SMYD3: variants seen among roughly 807,000 people sequenced by gnomAD.
SMYD3 encodes the protein histone-lysine N-methyltransferase SMYD3.
SMYD3 carries 36 observed loss-of-function variants against 57.7 expected under a neutral mutation model. The observed-to-expected ratio is 0.62, with a 90% CI of 0.48 to 0.82. The LOEUF (loss-of-function observed/expected upper bound fraction) is 0.82. Among genes scored for constraint, SMYD3 ranks in the 40% least tolerant of loss-of-function variants. The pLI is 0.00. For missense variants in SMYD3, 515 were observed against 538.8 expected (o/e 0.96, Z 0.44); for synonymous variants, 211 against 195.0 (o/e 1.08, Z -0.68).
chr1:246,257,987 G>C (rs955319215), intron 5 of SMYD3, among the ~76,000 whole-genome samples: 1 of 152,154 alleles, frequency 6.6e-6, no homozygotes, highest in East Asian at 1.9e-4. Flanking sequence ...TGTATAGCTT[G>C]CAGAACCATA....
intron 5 of SMYD3, among the ~76,000 whole-genome samples, chr1:245,989,348 C>A (rs1312732757): frequency 6.6e-6 from 1 of 152,212 alleles, no homozygotes; most frequent in African/African-American, 2.4e-5. Context: ...CCTCTCTTAT[C>A]CTTAATTTCA....
chr1:246,104,508 G>C (rs529891612), intron 5 of SMYD3, among the ~76,000 whole-genome samples: 1 of 152,280 alleles, frequency 6.6e-6, no homozygotes, highest in East Asian at 1.9e-4. Context: ...GAGTGGGCTC[G>C]TCTCCTGGGA....
At chr1:246,105,838 C>T (rs1573031656) in intron 5 of SMYD3, among the ~76,000 whole-genome samples, 1 of 152,152 alleles carries the variant, frequency 6.6e-6, no homozygotes, top group Non-Finnish European at 1.5e-5. Flanking sequence ...AATTCAAACC[C>T]TCTATTTTTG....
intron 1 of SMYD3, among the ~76,000 whole-genome samples, chr1:246,493,412 A>T (rs561415704): frequency 4.3e-4 from 66 of 152,304 alleles, no homozygotes; most frequent in African/African-American, 1.6e-3. Context: ...GAAATCACTC[A>T]ATACCTTCAT....
intron 5 of SMYD3, among the ~76,000 whole-genome samples, chr1:245,962,761 G>A (rs1468641759): frequency 7.7e-6 from 1 of 129,746 alleles, no homozygotes; most frequent in East Asian, 4.4e-4. Flanking sequence ...ATCCATAGAG[G>A]AGAAACCAAA....
intron 5 of SMYD3, among the ~76,000 whole-genome samples, chr1:245,938,384 C>T (rs1251909136): frequency 6.6e-6 from 1 of 152,188 alleles, no homozygotes; most frequent in East Asian, 1.9e-4. Flanking sequence ...TCCCTGGATA[C>T]AGCCCGATAA....
chr1:246,387,215 G>A (rs2066497804), intron 1 of SMYD3, among the ~76,000 whole-genome samples: 1 of 152,198 alleles, frequency 6.6e-6, no homozygotes, highest in East Asian at 1.9e-4. Flanking sequence ...TACGGTATGA[G>A]CTTTAGACAT....
At chr1:246,506,548 C>G (rs1412059781) in intron 1 of SMYD3, among the ~76,000 whole-genome samples, 4 of 152,166 alleles carry the variant, frequency 2.6e-5, no homozygotes, top group African/African-American at 9.7e-5. Context: ...ACCCAGACCA[C>G]AGAGGTGCAC....
At chr1:245,761,724 C>A (rs1190513017) in intron 11 of SMYD3, among the ~76,000 whole-genome samples, 1 of 151,552 alleles carries the variant, frequency 6.6e-6, no homozygotes, top group African/African-American at 2.4e-5. Flanking sequence ...TGGTTTCTGG[C>A]CTGGATTTAA....
At chr1:246,506,989 G>GCCCCCCCCCCCCCCCCCCCCCC in intron 1 of SMYD3, 65 bp downstream of exon 1, 4 of 649,294 alleles carry the variant, frequency 6.2e-6, no homozygotes, top group East Asian at 6.6e-5. Context: ...GCCGCCCGAC[G>GCCCCCCCCCCCCCCCCCCCCCC]CCCCCCCCTC....
intron 5 of SMYD3, among the ~76,000 whole-genome samples, chr1:246,156,240 T>C (rs1300702278): frequency 6.6e-6 from 1 of 152,160 alleles, no homozygotes; most frequent in Non-Finnish European, 1.5e-5. Flanking sequence ...TGTCCCATTT[T>C]TGTATCAGAA....
chr1:246,023,908 G>T (rs1218949651), intron 5 of SMYD3, among the ~76,000 whole-genome samples: 1 of 151,496 alleles, frequency 6.6e-6, no homozygotes, highest in African/African-American at 2.4e-5. Flanking sequence ...ATTTCAGAGA[G>T]ACTTCTGTGG....
chr1:246,467,884 A>G (rs2067902765), intron 1 of SMYD3, among the ~76,000 whole-genome samples: 1 of 152,246 alleles, frequency 6.6e-6, no homozygotes, highest in South Asian at 2.1e-4. Context: ...AACCAAATTC[A>G]GCAGCACATC....
chr1:246,178,587 C>G (rs2062474755), intron 5 of SMYD3, among the ~76,000 whole-genome samples: 1 of 152,202 alleles, frequency 6.6e-6, no homozygotes, highest in African/African-American at 2.4e-5. Context: ...CAAGTGCATG[C>G]ATGGCTACAG....
chr1:246,028,738 A>G (rs1275151259), intron 5 of SMYD3, among the ~76,000 whole-genome samples: 1 of 152,240 alleles, frequency 6.6e-6, no homozygotes, highest in Non-Finnish European at 1.5e-5. Flanking sequence ...AAATCCTAAA[A>G]TTTGTATGGA....
intron 5 of SMYD3, among the ~76,000 whole-genome samples, chr1:246,002,065 C>T (rs1057187036): frequency 6.6e-6 from 1 of 152,272 alleles, no homozygotes; most frequent in Admixed American, 6.5e-5. Context: ...TTACTAGAAC[C>T]AAACCCATCA....
chr1:245,894,877 C>A (rs941682420), intron 8 of SMYD3, among the ~76,000 whole-genome samples: 1 of 152,164 alleles, frequency 6.6e-6, no homozygotes, highest in Non-Finnish European at 1.5e-5. Context: ...AGACAGAATT[C>A]ACGACACCAC....
At chr1:246,427,540 A>T (rs6704025) in intron 1 of SMYD3, among the ~76,000 whole-genome samples, 70,373 of 149,924 alleles carry the variant, frequency 0.47, 18,065 homozygotes, top group Middle Eastern at 0.6. Flanking sequence ...AAAATAAAAA[A>T]AAATAAATGT....
At chr1:246,054,558 G>T (rs1347223744) in intron 5 of SMYD3, among the ~76,000 whole-genome samples, 2 of 152,126 alleles carry the variant, frequency 1.3e-5, no homozygotes, top group Non-Finnish European at 2.9e-5. Context: ...AGAAAGGAAT[G>T]AATTACTGAT....
Sources: allele counts gnomAD v4.1 joint callset (sites outside exome capture counted in the v4.1 genomes callset), GRCh38; gene constraint gnomAD v4.1.1; transcripts MANE v1.5; gene names NCBI Gene and HGNC (gene_info 2026-07-23, HGNC 2026-07-21).